Variants in SNED1 observed in about 807,000 individuals in gnomAD.
SNED1 encodes sushi, nidogen and EGF-like domain-containing protein 1.
In SNED1, 81 loss-of-function variants were observed where a neutral mutation model predicts 166.7. The observed-to-expected ratio is 0.49, with a 90% CI of 0.41 to 0.58. The LOEUF is 0.58. Ranked by LOEUF, SNED1 falls within the 20% of genes least tolerant of loss-of-function variation. The probability of loss-of-function intolerance (pLI) is 0.00; values close to 1 mark genes in which losing one functional copy is unlikely to be tolerated. For missense variants in SNED1, 1,604 were observed against 2,000.2 expected (o/e 0.80, Z 3.78); for synonymous variants, 762 against 822.0 (o/e 0.93, Z 1.25).
chr2:241,081,697 G>A lies in SNED1; in HGVS notation c.3937G>A (p.Glu1313Lys). Residue 1313 changes from glutamate (E) to lysine (K), a missense_variant, in exon 28 of 32, where the codon GAA becomes AAA. This residue lies in a region of SNED1 where 367 missense variants were observed against 379.4 expected (regional missense o/e 0.97). Transcript: ENST00000310397. ...DIGNVPGNCS[E>K]NPCQNGGTCV... is the part of the protein sequence containing the mutation. ...TCCAGACGTCCCTGGCAACTGTTCA[G>A]AAAACCCCTGTCAGAACGGAGGCAC... is the stretch of plus-strand genomic sequence containing the variant. 6.2e-7 allele frequency: 1 copy of A among 1,607,424 alleles called. No homozygotes were observed. Among genetic ancestry groups the A allele is most frequent in the Non-Finnish European group, 8.5e-7 (1 of 1,176,970 alleles).
intron 8 of SNED1, among the ~76,000 whole-genome samples, chr2:241,046,364 A>G (rs1199103246): frequency 1.3e-5 from 2 of 152,234 alleles, no homozygotes; most frequent in Non-Finnish European, 2.9e-5. Context: ...AGATGTTTAT[A>G]TTATTTCTAT....
intron 5 of SNED1, 157 bp from the exon 6 acceptor site, chr2:241,037,083 C>T (rs1003091326): frequency 4.0e-6 from 4 of 1,005,628 alleles, no homozygotes; most frequent in Middle Eastern, 2.4e-4. Flanking sequence ...AAGGCCATGG[C>T]CCCCTGGAGT....
intron 1 of SNED1, among the ~76,000 whole-genome samples, chr2:241,012,825 CTT>C (rs59199140): frequency 0.29 from 38,868 of 134,716 alleles, 6,195 homozygotes; most frequent in African/African-American, 0.51. Flanking sequence ...TTTTTTTTTT[CTT>C]TTTTTTTTTT....
At chr2:241,035,027 C>G (rs901375044) in intron 4 of SNED1, among the ~76,000 whole-genome samples, 2 of 152,104 alleles carry the variant, frequency 1.3e-5, no homozygotes, top group African/African-American at 4.8e-5. Context: ...AGGGAACCCT[C>G]TGGAGACTGC....
At chr2:241,008,435 T>G (rs2060288412) in intron 1 of SNED1, among the ~76,000 whole-genome samples, 2 of 152,220 alleles carry the variant, frequency 1.3e-5, no homozygotes, top group South Asian at 4.1e-4. Context: ...CTTGCACTCC[T>G]TCTGTCCATG....
At chr2:241,040,225 G>A in intron 7 of SNED1, 37 bp downstream of exon 7, 1 of 1,570,422 alleles carries the variant, frequency 6.4e-7, no homozygotes, top group South Asian at 1.2e-5. Context: ...AGGGGCTCCT[G>A]CCCGTGGCCA....
intron 12 of SNED1, 82 bp downstream of exon 12, chr2:241,050,015 C>G (rs758083821): frequency 4.8e-6 from 5 of 1,035,546 alleles, no homozygotes; most frequent in Non-Finnish European, 4.5e-6. Flanking sequence ...TCTGCTGTCT[C>G]TCTCCTTGTT....
chr2:241,011,566 G>T (rs1022093422), intron 1 of SNED1, among the ~76,000 whole-genome samples: 5 of 152,242 alleles, frequency 3.3e-5, no homozygotes, highest in South Asian at 4.1e-4. Flanking sequence ...TGGGAGACAG[G>T]CTAATCCTTT....
At chr2:241,043,515 AATT>A (rs2061569053) in intron 8 of SNED1, among the ~76,000 whole-genome samples, 1 of 152,216 alleles carries the variant, frequency 6.6e-6, no homozygotes, top group Admixed American at 6.5e-5. Context: ...TGTTAAAGGA[AATT>A]ATTTAGTCAG....
intron 16 of SNED1, among the ~76,000 whole-genome samples, chr2:241,061,188 C>T (rs2062218170): frequency 6.6e-6 from 1 of 151,328 alleles, no homozygotes. Flanking sequence ...AGAAAACAAC[C>T]TAATAGGAAA....
chr2:241,064,230 G>A lies in SNED1; in HGVS notation c.2599+105G>A, dbSNP rs970203754. The A allele has an allele frequency of 9.5e-5, 70 of 738,584 alleles. No homozygotes were observed. The highest frequency in any genetic ancestry group is 5.9e-4 in the Admixed American group (18 of 30,562). 45.8% of individuals were successfully genotyped at this position (738,584 alleles called of 1,614,324 possible). The stretch of plus-strand genomic sequence containing the variant: ...CCCGCCTGCTCCCCGCCCTCTGCCC[G>A]CCTGCTCCCCGCCCTCTGCCCGCCG... On this transcript the variant is annotated intron_variant, in intron 19 of 31. Coordinates refer to ENST00000310397, the MANE Select transcript of SNED1 (RefSeq NM_001080437.3). The surrounding 1 kb of genome is among the most constrained non-coding windows in gnomAD (Gnocchi z 7.0).
intron 16 of SNED1, among the ~76,000 whole-genome samples, chr2:241,057,836 GATA>G (rs543350131): frequency 8.1e-4 from 124 of 152,272 alleles, no homozygotes; most frequent in African/African-American, 2.8e-3. Flanking sequence ...AAAGAAGTAA[GATA>G]ATAATAAGAT....
chr2:241,083,449 TTGGA>T (rs1279253445), intron 29 of SNED1, among the ~76,000 whole-genome samples: 1 of 152,090 alleles, frequency 6.6e-6, no homozygotes, highest in Non-Finnish European at 1.5e-5. Context: ...TTACACTACT[TTGGA>T]TGCTCTGTGG....
Position 241,037,263 on chromosome 2 carries a change from C to T in SNED1, c.955C>T (p.Pro319Ser), listed in dbSNP as rs757544934. 1 of 1,611,062 alleles carries T rather than the reference C, an allele frequency of 6.2e-7. No homozygotes were observed. Among genetic ancestry groups the T allele is most frequent in the South Asian group, 1.1e-5 (1 of 90,312 alleles). ...HLDVNECASQ[P>S]CQNGGTCTHG... is the part of the protein sequence containing the mutation. Reference sequence around the variant, plus strand: ...AGACGTGAACGAATGTGCCTCCCAGCCCTGTCAGAATGGTGGGACCTGTAC... The same window carrying T: ...AGACGTGAACGAATGTGCCTCCCAGTCCTGTCAGAATGGTGGGACCTGTAC... Residue 319 changes from proline (P) to serine (S), a missense_variant, in exon 6 of 32, where the codon CCC (proline) becomes TCC (serine). Coordinates refer to ENST00000310397, the MANE Select transcript of SNED1 (RefSeq NM_001080437.3).
At chr2:241,045,286 T>C (rs1424081983) in intron 8 of SNED1, among the ~76,000 whole-genome samples, 1 of 152,200 alleles carries the variant, frequency 6.6e-6, no homozygotes, top group African/African-American at 2.4e-5. Flanking sequence ...GAATCTTTTG[T>C]AAATGTAGAC....
At position 241,079,256 on chromosome 2, in the gene SNED1, CA is replaced by C. The variant is rs796973883; in HGVS notation, c.3917-2415del. ...TGAAACCCCATCTCTACTAAAAATA[CA>C]AAAAATTAGCCGGGCGCAGTGGCAG... On this transcript the variant is annotated intron_variant, in intron 27 of 31. Coordinates refer to ENST00000310397, the MANE Select transcript of SNED1 (RefSeq NM_001080437.3). Among the ~76,000 whole-genome samples the C allele has an allele frequency of 2.8e-4, 41 of 148,052 alleles. 1 individual carries two copies. The highest frequency in any genetic ancestry group is 9.0e-4 in the African/African-American group (36 of 40,164).
chr2:240,999,167 C>A lies in SNED1; in HGVS notation c.213+117C>A. 1 of 542,038 alleles carries A rather than the reference C, an allele frequency of 1.8e-6. No homozygotes were observed. Among genetic ancestry groups the A allele is most frequent in the Non-Finnish European group, 2.7e-6 (1 of 375,064 alleles). 33.6% of individuals were successfully genotyped at this position (542,038 alleles called of 1,614,324 possible). ...CCAGCCACTTGGCACCGGGGCGGCC[C>A]GAGGTGGAATGAGGACAGCGCTTCC... On this transcript the variant is annotated intron_variant, in intron 1 of 31. Transcript: ENST00000310397. The surrounding 1 kb of genome is among the most constrained non-coding windows in gnomAD (Gnocchi z 5.8).
At chr2:241,025,566 T>A (rs1021619040) in intron 1 of SNED1, among the ~76,000 whole-genome samples, 4 of 152,222 alleles carry the variant, frequency 2.6e-5, no homozygotes, top group Non-Finnish European at 5.9e-5. Context: ...ATATATATTA[T>A]TTCTTTATAT....
At chr2:241,040,732 A>G (rs1172459147) in intron 8 of SNED1, among the ~76,000 whole-genome samples, 6 of 152,206 alleles carry the variant, frequency 3.9e-5, no homozygotes, top group African/African-American at 1.2e-4. Context: ...CAAAGTTCAC[A>G]AGTCTCCTCT....
Sources: allele counts gnomAD v4.1 joint callset (sites outside exome capture counted in the v4.1 genomes callset), GRCh38; gene constraint gnomAD v4.1.1; regional missense constraint gnomAD v4.1.1; non-coding constraint Gnocchi (gnomAD v3.1); transcripts MANE v1.5; gene names NCBI Gene and HGNC (gene_info 2026-07-23, HGNC 2026-07-21).